TXNDC16: variants seen among roughly 807,000 people sequenced by gnomAD.
TXNDC16 encodes thioredoxin domain containing 16, also known as thioredoxin domain-containing protein 16.
A neutral mutation model predicts 85.6 loss-of-function variants in TXNDC16; 74 were observed. The ratio of observed to expected loss-of-function variants is 0.86; its 90% CI spans 0.72 to 1.05. TXNDC16 has a LOEUF of 1.05. Ranked by LOEUF, TXNDC16 falls within the 50% of genes least tolerant of loss-of-function variation. The probability of loss-of-function intolerance (pLI) is 0.00; values close to 1 mark genes in which losing one functional copy is unlikely to be tolerated. For synonymous variants in TXNDC16, 335 were observed against 326.5 expected, an observed-to-expected ratio of 1.03 and a Z score of -0.28; for missense variants, 959 against 947.0, an observed-to-expected ratio of 1.01 and a Z score of -0.17.
intron 8 of TXNDC16, among the ~76,000 whole-genome samples, chr14:52,513,081 T>C (rs1010200503): frequency 1.3e-5 from 2 of 152,098 alleles, no homozygotes; most frequent in African/African-American, 4.8e-5. Context: ...ACAGATTCTT[T>C]AGGAAGGGAA....
intron 14 of TXNDC16, among the ~76,000 whole-genome samples, chr14:52,473,311 C>A (rs747211614): frequency 6.6e-6 from 1 of 152,148 alleles, no homozygotes; most frequent in Non-Finnish European, 1.5e-5. Flanking sequence ...GACAACGCTG[C>A]TGCTTTGATT....
intron 16 of TXNDC16, among the ~76,000 whole-genome samples, chr14:52,466,810 TGAG>T (rs2035787829): frequency 6.6e-6 from 1 of 151,954 alleles, no homozygotes; most frequent in Non-Finnish European, 1.5e-5. Flanking sequence ...GAGCTTGCAG[TGAG>T]CCGAGATCAC....
At chr14:52,451,161 G>A (rs959766035) in intron 18 of TXNDC16, among the ~76,000 whole-genome samples, 5 of 151,696 alleles carry the variant, frequency 3.3e-5, no homozygotes, top group Admixed American at 1.3e-4. Context: ...ACTATACATT[G>A]GGTACAGTGC....
At chr14:52,482,130 GA>G (rs2036164015) in intron 14 of TXNDC16, 99 bp downstream of exon 14, 16 of 1,142,734 alleles carry the variant, frequency 1.4e-5, no homozygotes, top group Non-Finnish European at 1.7e-5. Context: ...CATAGTAACT[GA>G]AATTTTATGT....
chr14:52,472,475 C>A (rs949872031), intron 14 of TXNDC16, among the ~76,000 whole-genome samples: 1 of 152,148 alleles, frequency 6.6e-6, no homozygotes, highest in Non-Finnish European at 1.5e-5. Context: ...GGATCACAGG[C>A]GTGAGCCACC....
intron 11 of TXNDC16, 69 bp downstream of exon 11, chr14:52,490,322 T>A: frequency 9.2e-7 from 1 of 1,092,622 alleles, no homozygotes; most frequent in Non-Finnish European, 1.3e-6. Flanking sequence ...TAAAAATATA[T>A]TAAAGACCAC....
At chr14:52,511,938 C>T (rs758249289) in intron 8 of TXNDC16, among the ~76,000 whole-genome samples, 12 of 152,106 alleles carry the variant, frequency 7.9e-5, no homozygotes, top group Non-Finnish European at 1.5e-4. Context: ...TTTGAGCTTT[C>T]GCATTCCCTT....
intron 20 of TXNDC16, 83 bp downstream of exon 20, chr14:52,439,121 A>G: frequency 7.4e-7 from 1 of 1,355,204 alleles, no homozygotes; most frequent in Non-Finnish European, 1.0e-6. Context: ...AACTCATCCT[A>G]CCATTCTTTA....
In TXNDC16 at chr14:52,434,276, C is replaced by T. The variant is rs538451902; in HGVS notation, c.2195-1689G>A. 2.0e-5 allele frequency among the ~76,000 whole-genome samples: 3 copies of T among 152,314 alleles called. No homozygotes were observed. In the South Asian group the frequency reaches 6.2e-4, roughly 32 times the overall value. ...TATTTTTTAAGGTCAACACTGCGGCCTAGCGGTCTGAGACTATGACAAAAT... is the reference window on the plus strand; with the variant it reads ...TATTTTTTAAGGTCAACACTGCGGCTTAGCGGTCTGAGACTATGACAAAAT... On this transcript the variant is annotated intron_variant, in intron 20 of 20. Coordinates refer to ENST00000281741, the MANE Select transcript of TXNDC16 (RefSeq NM_020784.3).
At chr14:52,499,572 T>C (rs1235944516) in intron 9 of TXNDC16, among the ~76,000 whole-genome samples, 1 of 148,906 alleles carries the variant, frequency 6.7e-6, no homozygotes, top group African/African-American at 2.5e-5. Flanking sequence ...GAAACCACCA[T>C]GAGGTATCAT....
intron 16 of TXNDC16, chr14:52,462,857 T>C (rs79329980): frequency 9.0e-6 from 4 of 442,652 alleles, no homozygotes; most frequent in Non-Finnish European, 1.8e-5. Context: ...TAGGTAGTTG[T>C]AGCCAGAAAG....
At chr14:52,507,076 A>G (rs1250735368) in intron 9 of TXNDC16, among the ~76,000 whole-genome samples, 3 of 152,128 alleles carry the variant, frequency 2.0e-5, no homozygotes, top group African/African-American at 7.2e-5. Flanking sequence ...CAATCAGGAA[A>G]GAGAAGGAAA....
chr14:52,467,676 G>GA (rs1387730457), intron 16 of TXNDC16, among the ~76,000 whole-genome samples: 1 of 152,168 alleles, frequency 6.6e-6, no homozygotes, highest in Non-Finnish European at 1.5e-5. Flanking sequence ...AGCCAGGGCG[G>GA]AAAATAGTAC....
intron 16 of TXNDC16, 119 bp downstream of exon 16, chr14:52,469,918 T>C: frequency 1.0e-6 from 1 of 992,460 alleles, no homozygotes; most frequent in Non-Finnish European, 1.4e-6. Context: ...ATTTTATTTT[T>C]CTTCAAACTT....
chr14:52,493,117 T>G (rs1233334555), intron 9 of TXNDC16, among the ~76,000 whole-genome samples: 1 of 151,008 alleles, frequency 6.6e-6, no homozygotes, highest in East Asian at 1.9e-4. Flanking sequence ...CTCTATTTTT[T>G]TTTTAAAGAA....
chr14:52,433,305 A>C (rs1454223297), intron 20 of TXNDC16, among the ~76,000 whole-genome samples: 1 of 152,182 alleles, frequency 6.6e-6, no homozygotes, highest in East Asian at 1.9e-4. Flanking sequence ...AAACTGATTA[A>C]GGCTGATAAC....
In TXNDC16 at chr14:52,483,015, CTATT is replaced by C. The variant is rs763263032; in HGVS notation, c.1109-54_1109-51del. On this transcript the variant is annotated intron_variant, in intron 12 of 20. Coordinates refer to ENST00000281741, the MANE Select transcript of TXNDC16 (RefSeq NM_020784.3). ...TTTAAATATTGATGTATAATGAAAACTATTTAAGCTCTTCTCATAGGAAGCATAT... is the reference window on the plus strand; with the variant it reads ...TTTAAATATTGATGTATAATGAAAACTAAGCTCTTCTCATAGGAAGCATAT... The C allele has an allele frequency of 3.2e-4, 460 of 1,441,664 alleles. 1 individual carries two copies. Among genetic ancestry groups the C allele is most frequent in the South Asian group, 7.0e-4 (54 of 76,982 alleles). The allele number at this position is 1,441,664 out of a possible 1,614,324, so 89.3% of individuals were successfully genotyped here. A position where few individuals can be genotyped will look rare whatever the true frequency, so the allele number is the denominator to read the frequency against.
chr14:52,512,916 T>G (rs968875990), intron 8 of TXNDC16, among the ~76,000 whole-genome samples: 2 of 152,164 alleles, frequency 1.3e-5, no homozygotes, highest in Non-Finnish European at 2.9e-5. Context: ...ATCCAGTTTT[T>G]CCATGTCCAA....
Position 52,450,452 on chromosome 14 carries a change from A to G in TXNDC16, c.1842+4872T>C, listed in dbSNP as rs535755452. On this transcript the variant is annotated intron_variant, in intron 18 of 20. Coordinates refer to ENST00000281741, the MANE Select transcript of TXNDC16 (RefSeq NM_020784.3). ...GAAGCTATAATACAAAGGCTTCCAG[A>G]AAAAAAAAAAAAAGCCAAAGCTCGG... 6.3e-5 allele frequency among the ~76,000 whole-genome samples: 6 copies of G among 94,624 alleles called. No homozygotes were observed. The East Asian group carries it at 8.3e-4, about 13-fold the overall frequency. The allele number at this position is 94,624 out of a possible 152,430, so 62.1% of individuals were successfully genotyped here.
Sources: allele counts gnomAD v4.1 joint callset (sites outside exome capture counted in the v4.1 genomes callset), GRCh38; gene constraint gnomAD v4.1.1; transcripts MANE v1.5; gene names NCBI Gene and HGNC (gene_info 2026-07-23, HGNC 2026-07-21).